Variants in SPIDR observed in about 807,000 individuals in gnomAD.
SPIDR encodes the protein DNA repair-scaffolding protein.
Under a neutral mutation model 104.6 loss-of-function variants are expected in SPIDR, and 93 were observed. The ratio of observed to expected loss-of-function variants is 0.89; its 90% CI spans 0.75 to 1.06. The LOEUF (loss-of-function observed/expected upper bound fraction) is 1.06, where lower values mean the gene tolerates loss of function less well. SPIDR is among the 50% of genes least tolerant of loss of function. SPIDR has a pLI of 0.00. For missense variants in SPIDR, 1,154 were observed against 1,111.2 expected (o/e 1.04, Z -0.55); for synonymous variants, 431 against 416.9 (o/e 1.03, Z -0.41).
intron 11 of SPIDR, among the ~76,000 whole-genome samples, chr8:47,692,386 G>A (rs947655778): frequency 1.3e-5 from 2 of 149,594 alleles, no homozygotes; most frequent in Non-Finnish European, 2.9e-5. Flanking sequence ...CGTTCTGGAC[G>A]TTTCCTGTCA....
intron 3 of SPIDR, among the ~76,000 whole-genome samples, chr8:47,287,351 A>G (rs1354684757): frequency 6.6e-6 from 1 of 152,212 alleles, no homozygotes; most frequent in East Asian, 1.9e-4. Context: ...CTGTGCACAT[A>G]TTGTCTTGAT....
intron 10 of SPIDR, among the ~76,000 whole-genome samples, chr8:47,630,650 A>G (rs552180917): frequency 4.9e-4 from 75 of 152,324 alleles, no homozygotes; most frequent in Non-Finnish European, 9.8e-4. Context: ...TTTCCAGGGC[A>G]ATAGGACTTA....
At chr8:47,421,416 T>C (rs2065435156) in intron 7 of SPIDR, among the ~76,000 whole-genome samples, 4 of 152,242 alleles carry the variant, frequency 2.6e-5, no homozygotes, top group Non-Finnish European at 5.9e-5. Flanking sequence ...CACTGAGGCT[T>C]GTGGGTTCGT....
Position 47,456,492 on chromosome 8 carries a change from A to G in SPIDR, c.1097+15950A>G, listed in dbSNP as rs544835546. 2.6e-5 allele frequency among the ~76,000 whole-genome samples: 4 copies of G among 152,308 alleles called. No homozygotes were observed. The South Asian group carries it at 8.3e-4, about 32-fold the overall frequency. On this transcript the variant is annotated intron_variant, in intron 8 of 19. Transcript: ENST00000297423. ...ATTACCGAATATCTTTTCTGTTCAC[A>G]ATGGAATGAACCCTAGAAATCACTA...
At chr8:47,547,147 T>C in intron 8 of SPIDR, 1 of 600,620 alleles carries the variant, frequency 1.7e-6, no homozygotes, top group African/African-American at 1.9e-5. Flanking sequence ...GGGATCAGGG[T>C]AGCAGATGAT....
chr8:47,503,210 T>C (rs1197043989), intron 8 of SPIDR, among the ~76,000 whole-genome samples: 1 of 152,208 alleles, frequency 6.6e-6, no homozygotes, highest in Non-Finnish European at 1.5e-5. Flanking sequence ...TTCTGTCTCG[T>C]TGATATATCT....
chr8:47,710,652 G>C (rs2081737221), intron 14 of SPIDR, among the ~76,000 whole-genome samples: 1 of 152,028 alleles, frequency 6.6e-6, no homozygotes, highest in South Asian at 2.1e-4. Flanking sequence ...GCTTTTAGTA[G>C]AGATGGGGTT....
At chr8:47,638,105 C>T (rs1335115961) in intron 10 of SPIDR, among the ~76,000 whole-genome samples, 1 of 151,976 alleles carries the variant, frequency 6.6e-6, no homozygotes, top group Non-Finnish European at 1.5e-5. Context: ...CTTTGATATA[C>T]TCCCATAATT....
intron 8 of SPIDR, among the ~76,000 whole-genome samples, chr8:47,560,044 C>T (rs2056867266): frequency 1.3e-5 from 2 of 152,274 alleles, no homozygotes; most frequent in South Asian, 2.1e-4. Flanking sequence ...CCACACCTGA[C>T]AGGTGTGCTT....
chr8:47,408,246 A>G (rs547845082), intron 7 of SPIDR, among the ~76,000 whole-genome samples: 1 of 152,188 alleles, frequency 6.6e-6, no homozygotes, highest in South Asian at 2.1e-4. Flanking sequence ...AGAGCACTCT[A>G]CCCTCTTAGC....
chr8:47,341,688 A>G (rs1587329831), intron 5 of SPIDR, among the ~76,000 whole-genome samples: 1 of 152,234 alleles, frequency 6.6e-6, no homozygotes, highest in East Asian at 1.9e-4. Flanking sequence ...CCACTTCCTA[A>G]GTTTTGGTTT....
At chr8:47,450,391 T>C (rs1343165444) in intron 8 of SPIDR, among the ~76,000 whole-genome samples, 1 of 152,112 alleles carries the variant, frequency 6.6e-6, no homozygotes, top group Non-Finnish European at 1.5e-5. Context: ...TTCAGGAAGG[T>C]AGCACCCTCA....
intron 5 of SPIDR, among the ~76,000 whole-genome samples, chr8:47,382,907 G>C (rs782169346): frequency 6.6e-6 from 1 of 152,174 alleles, no homozygotes; most frequent in East Asian, 1.9e-4. Flanking sequence ...AGAAGCAATA[G>C]GTCTTTTTCT....
intron 5 of SPIDR, among the ~76,000 whole-genome samples, chr8:47,331,965 C>CA (rs1454855919): frequency 3.1e-5 from 1 of 32,712 alleles, no homozygotes; most frequent in Non-Finnish European, 6.6e-5. Flanking sequence ...TTTTTTTAAA[C>CA]TTTTTTTTTT....
chr8:47,518,631 TCTG>T (rs2083511495), intron 8 of SPIDR, among the ~76,000 whole-genome samples: 1 of 151,618 alleles, frequency 6.6e-6, no homozygotes, highest in Non-Finnish European at 1.5e-5. Flanking sequence ...ACTGAAGTCT[TCTG>T]CTACTTTTTT....
At chr8:47,407,278 T>G (rs558823984) in intron 6 of SPIDR, among the ~76,000 whole-genome samples, 1 of 152,376 alleles carries the variant, frequency 6.6e-6, no homozygotes, top group African/African-American at 2.4e-5. Flanking sequence ...GCTGTGTGTT[T>G]GTGATTGATA....
At chr8:47,406,080 G>A (rs182051814) in intron 6 of SPIDR, among the ~76,000 whole-genome samples, 10 of 144,886 alleles carry the variant, frequency 6.9e-5, no homozygotes, top group African/African-American at 2.0e-4. Flanking sequence ...TTTTTTCAGA[G>A]TTCATTTTGC....
At chr8:47,508,030 A>G (rs2081742534) in intron 8 of SPIDR, among the ~76,000 whole-genome samples, 1 of 152,204 alleles carries the variant, frequency 6.6e-6, no homozygotes, top group African/African-American at 2.4e-5. Context: ...AAATAGATCA[A>G]GGTAGTACTC....
At chr8:47,390,931 C>T (rs1420606198) in intron 5 of SPIDR, among the ~76,000 whole-genome samples, 1 of 152,156 alleles carries the variant, frequency 6.6e-6, no homozygotes, top group Non-Finnish European at 1.5e-5. Context: ...AACCTATGAA[C>T]CTGCAGTTGC....
Sources: allele counts gnomAD v4.1 joint callset (sites outside exome capture counted in the v4.1 genomes callset), GRCh38; gene constraint gnomAD v4.1.1; transcripts MANE v1.5; gene names NCBI Gene and HGNC (gene_info 2026-07-23, HGNC 2026-07-21).